TMEM11: variants seen among roughly 807,000 people sequenced by gnomAD.
TMEM11 encodes transmembrane protein 11, mitochondrial.
TMEM11 carries 1 observed loss-of-function variant against 17.0 expected under a neutral mutation model. The observed-to-expected ratio is 0.06, with a 90% CI of 0.02 to 0.28. The LOEUF is 0.28. TMEM11 is among the 10% of genes least tolerant of loss of function. TMEM11 has a pLI of 1.00. For synonymous variants in TMEM11, 122 were observed against 118.1 expected, an observed-to-expected ratio of 1.03 and a Z score of -0.21; for missense variants, 172 against 252.9, an observed-to-expected ratio of 0.68 and a Z score of 2.17.
intron 1 of TMEM11, chr17:21,208,455 C>G (rs1402556578): frequency 1.3e-5 from 2 of 152,146 alleles, no homozygotes; most frequent in Non-Finnish European, 2.9e-5. Context: ...TGCTCCAGAA[C>G]CTTCTCGGTG....
rs138310111 is a variant in TMEM11, at chr17:21,198,601, A to G, written c.302T>C (p.Leu101Ser). 1.2e-4 allele frequency: 189 copies of G among 1,613,938 alleles called. No individual in the cohort carries two copies. The highest frequency in any genetic ancestry group is 2.0e-5 in the Non-Finnish European group (24 of 1,179,954). The stretch of plus-strand genomic sequence containing the variant: ...CAGGGAAATGTAGTGGGAATAATCT[A>G]AGGGCAGCGCCAACGGGGTGAAGAG... ...ACLFTPLALPLDYSHYISLPA... is the reference protein window; with the variant it reads ...ACLFTPLALPSDYSHYISLPA... Residue 101 changes from leucine (L) to serine (S), a missense_variant, in exon 2 of 2, where the codon TTA becomes TCA. Transcript: ENST00000317635. The surrounding 1 kb of genome is among the most constrained non-coding windows in gnomAD (Gnocchi z 6.5).
intron 1 of TMEM11, among the ~76,000 whole-genome samples, chr17:21,210,141 A>C (rs1974987239): frequency 6.6e-6 from 1 of 152,222 alleles, no homozygotes; most frequent in Admixed American, 6.5e-5. Flanking sequence ...TCCCCTCTTC[A>C]GAAAGGGGAG....
chr17:21,214,027 G>A, intron 1 of TMEM11, 64 bp downstream of exon 1: 3 of 1,491,190 alleles, frequency 2.0e-6, no homozygotes, highest in Admixed American at 3.9e-5. Context: ...GCCCTCGGAG[G>A]CCGCGCTGGG....
intron 1 of TMEM11, among the ~76,000 whole-genome samples, chr17:21,202,392 C>G (rs546752643): frequency 1.3e-5 from 2 of 152,304 alleles, no homozygotes; most frequent in South Asian, 2.1e-4. Context: ...ATGTTCTCGC[C>G]AACACCCAAA....
Position 21,214,072 on chromosome 17 carries a change from A to C in TMEM11, c.62+19T>G, listed in dbSNP as rs1166443190. On this transcript the variant is annotated intron_variant, in intron 1 of 1. Coordinates refer to ENST00000317635, the MANE Select transcript of TMEM11 (RefSeq NM_003876.3). ...CGCTGAGCCGCCTGCACTGGGGGCA[A>C]CAAGCCCTTGGATCTCACCTCTCTC... 1 of 1,606,182 alleles carries C rather than the reference A, an allele frequency of 6.2e-7. No homozygotes were observed. Among genetic ancestry groups the C allele is most frequent in the Non-Finnish European group, 8.5e-7 (1 of 1,177,756 alleles).
Position 21,198,960 on chromosome 17 carries a change from C to T in TMEM11, c.63-120G>A, listed in dbSNP as rs1974850644. The T allele has an allele frequency of 7.5e-6, 8 of 1,062,824 alleles. No individual in the cohort carries two copies. The highest frequency in any genetic ancestry group is 1.6e-5 in the African/African-American group (1 of 63,002). 65.8% of individuals were successfully genotyped at this position (1,062,824 alleles called of 1,614,324 possible). A position where few individuals can be genotyped will look rare whatever the true frequency, so the allele number is the denominator to read the frequency against. Reference sequence around the variant, plus strand: ...TGAGCCTGCACTGCGGAGAGCACATCTCACTTGGGTCCTCATCTCCTTTAA... The same window carrying T: ...TGAGCCTGCACTGCGGAGAGCACATTTCACTTGGGTCCTCATCTCCTTTAA... On this transcript the variant is annotated intron_variant, in intron 1 of 1. Coordinates refer to ENST00000317635, the MANE Select transcript of TMEM11 (RefSeq NM_003876.3). The surrounding 1 kb of genome is among the most constrained non-coding windows in gnomAD (Gnocchi z 6.5).
At chr17:21,199,346 A>AAAAAAT (rs1974856994) in intron 1 of TMEM11, among the ~76,000 whole-genome samples, 1 of 149,464 alleles carries the variant, frequency 6.7e-6, no homozygotes, top group Non-Finnish European at 1.5e-5. Context: ...AAAAAAAAAA[A>AAAAAAT]GATATAAAAA....
At chr17:21,201,209 G>A (rs1201862912) in intron 1 of TMEM11, among the ~76,000 whole-genome samples, 1 of 152,204 alleles carries the variant, frequency 6.6e-6, no homozygotes, top group African/African-American at 2.4e-5. Flanking sequence ...CCAAGCATGG[G>A]GACCCTAACC....
intron 1 of TMEM11, among the ~76,000 whole-genome samples, chr17:21,199,496 A>G (rs565074497): frequency 7.9e-5 from 12 of 152,306 alleles, no homozygotes; most frequent in African/African-American, 2.6e-4. Context: ...ACAGGAGCAC[A>G]CACGGCAGCA....
In TMEM11 at chr17:21,206,054, G is replaced by T. The variant is rs988469736; in HGVS notation, c.63-7214C>A. ...TTGAGTCCCTGCTTTTTTTGGGGGG[G>T]GGGTATATATACCCAGAAGTGGAAC... is the stretch of plus-strand genomic sequence containing the variant. On this transcript the variant is annotated intron_variant, in intron 1 of 1. Transcript: ENST00000317635. Among the ~76,000 whole-genome samples the T allele has an allele frequency of 7.2e-5, 11 of 151,900 alleles. No individual in the cohort carries two copies. The South Asian group carries it at 1.2e-3, about 17-fold the overall frequency.
intron 1 of TMEM11, among the ~76,000 whole-genome samples, chr17:21,203,096 T>C (rs1974900310): frequency 6.6e-6 from 1 of 152,184 alleles, no homozygotes; most frequent in African/African-American, 2.4e-5. Flanking sequence ...TAAAGCCAGT[T>C]AGGCAAAGGG....
chr17:21,199,924 A>C (rs567676484), intron 1 of TMEM11, among the ~76,000 whole-genome samples: 3 of 152,252 alleles, frequency 2.0e-5, no homozygotes, highest in Admixed American at 6.5e-5. Flanking sequence ...GAGGGGCTTC[A>C]AAACATCCAG....
intron 1 of TMEM11, among the ~76,000 whole-genome samples, chr17:21,202,200 A>G (rs1215183927): frequency 6.6e-6 from 1 of 152,204 alleles, no homozygotes; most frequent in African/African-American, 2.4e-5. Flanking sequence ...ATAACAAGGT[A>G]GGGGTGGAGG....
intron 1 of TMEM11, among the ~76,000 whole-genome samples, chr17:21,200,651 G>C (rs1032372511): frequency 6.6e-6 from 1 of 152,206 alleles, no homozygotes; most frequent in African/African-American, 2.4e-5. Context: ...GGAGGCTCTG[G>C]AACACTGTAC....
chr17:21,208,061 T>C (rs529025550), intron 1 of TMEM11, among the ~76,000 whole-genome samples: 1 of 150,438 alleles, frequency 6.6e-6, no homozygotes, highest in South Asian at 2.1e-4. Context: ...GGCGTGATCT[T>C]GGCTCACTGC....
At chr17:21,200,745 G>A (rs189140060) in intron 1 of TMEM11, among the ~76,000 whole-genome samples, 2 of 152,320 alleles carry the variant, frequency 1.3e-5, no homozygotes, top group East Asian at 1.9e-4. Context: ...CATGGCTAAC[G>A]AGAAGCACAG....
chr17:21,201,477 A>C (rs772163477), intron 1 of TMEM11, among the ~76,000 whole-genome samples: 1 of 152,168 alleles, frequency 6.6e-6, no homozygotes. Flanking sequence ...CAGGGATGAA[A>C]TGATGAGCTG....
At chr17:21,206,048 G>T (rs779198035) in intron 1 of TMEM11, among the ~76,000 whole-genome samples, 32 of 45,606 alleles carry the variant, frequency 7.0e-4, no homozygotes, top group South Asian at 2.6e-3. Context: ...TGCTTTTTTT[G>T]GGGGGGGGGT....
chr17:21,198,647 C>T lies in TMEM11; in HGVS notation c.256G>A (p.Val86Met), dbSNP rs773961880. 3.1e-6 allele frequency: 5 copies of T among 1,614,044 alleles called. No homozygotes were observed. Among genetic ancestry groups the T allele is most frequent in the South Asian group, 1.1e-5 (1 of 91,084 alleles). ...AAGAGGCAGGCGGTGCCCGCCAGCA[C>T]GGCCGTCTTGTGCAGGCAGTTGCCC... ...TVGNCLHKTAVLAGTACLFTP... is the reference protein window; with the variant it reads ...TVGNCLHKTAMLAGTACLFTP... The change falls in exon 2 of 2, where the codon GTG becomes ATG. Residue 86 changes from valine to methionine, a missense_variant. Physicochemically the swap from Val to Met is conservative, Grantham distance 21. Transcript: ENST00000317635. The surrounding 1 kb of genome is among the most constrained non-coding windows in gnomAD (Gnocchi z 6.5).
Sources: gnomAD v4.1 joint callset for allele counts (sites outside exome capture counted in the v4.1 genomes callset) on GRCh38, gnomAD v4.1.1 for gene constraint, Gnocchi (gnomAD v3.1) non-coding constraint, MANE v1.5 for transcripts, NCBI Gene and HGNC (gene_info 2026-07-23, HGNC 2026-07-21) for gene names.